Variants in SH3BP2 observed in about 807,000 individuals in gnomAD.
SH3BP2 encodes SH3 domain binding protein 2.
A neutral mutation model predicts 56.2 loss-of-function variants in SH3BP2; 38 were observed. That is an observed-to-expected ratio of 0.68 (90% confidence interval 0.52 to 0.89). The LOEUF is 0.89. Among genes scored for constraint, SH3BP2 ranks in the 40% least tolerant of loss-of-function variants. The probability of loss-of-function intolerance (pLI) is 0.00; values close to 1 mark genes in which losing one functional copy is unlikely to be tolerated. For synonymous variants in SH3BP2, 346 were observed against 316.7 expected, an observed-to-expected ratio of 1.09 and a Z score of -0.98; for missense variants, 748 against 762.6, an observed-to-expected ratio of 0.98 and a Z score of 0.23.
At position 2,820,669 on chromosome 4, in the gene SH3BP2, C is replaced by T; in HGVS notation, c.52C>T (p.Gln18Ter). The T allele has an allele frequency of 1.2e-6, 2 of 1,614,176 alleles. No individual in the cohort carries two copies. Among genetic ancestry groups the T allele is most frequent in the Non-Finnish European group, 1.7e-6 (2 of 1,180,008 alleles). Residue 18 changes from glutamine (Q) to a stop codon, truncating the protein, a stop_gained, in exon 2 of 13, where the codon CAG becomes TAG. Coordinates refer to ENST00000503393, the MANE Select transcript of SH3BP2 (RefSeq NM_001122681.2). LOFTEE classifies it high-confidence loss of function. ...WPVPMKAIGAQNLLTMPGGVA... is the reference protein window; with the variant it reads ...WPVPMKAIGA ...TGTCCCTATGAAGGCCATTGGTGCC[C>T]AGAACCTGCTAACCATGCCTGGGGG...
intron 12 of SH3BP2, 51 bp from the exon 13 acceptor site, chr4:2,833,646 G>A (rs1056405737): frequency 1.0e-5 from 16 of 1,582,480 alleles, no homozygotes; most frequent in Non-Finnish European, 1.1e-5. Context: ...GAGGCCTAGA[G>A]CCGCAGAGTG....
In SH3BP2 at chr4:2,840,701, C is replaced by G. The variant is rs1362956829; in HGVS notation, c.*6867C>G. ...CTTTGTATTTTCATGTAAGGTTTTT[C>G]TCCCATATAAGTTTTAAAATCAGCT... On this transcript the variant is annotated 3_prime_UTR_variant, in exon 13 of 13. Coordinates refer to ENST00000503393, the MANE Select transcript of SH3BP2 (RefSeq NM_001122681.2). 1 of 152,090 alleles carries G rather than the reference C, an allele frequency of 6.6e-6. No homozygotes were observed. Among genetic ancestry groups the G allele is most frequent in the Non-Finnish European group, 1.5e-5 (1 of 68,016 alleles). 9.4% of individuals were successfully genotyped at this position (152,090 alleles called of 1,614,324 possible).
At position 2,831,619 on chromosome 4, in the gene SH3BP2, G is replaced by C. The variant is rs1261254681; in HGVS notation, c.1290G>C (p.Lys430Asn). The change falls in exon 9 of 13, where the codon AAG (lysine) becomes AAC (asparagine). Residue 430 changes from lysine (K) to asparagine (N), a missense_variant. Lys to Asn is a moderately conservative substitution (Grantham distance 94, BLOSUM62 0). Around this residue, in one of 3 missense-constraint regions of SH3BP2, gnomAD observed 635 missense variants for 615.0 expected, o/e 1.03. Coordinates refer to ENST00000503393, the MANE Select transcript of SH3BP2 (RefSeq NM_001122681.2). The surrounding 1 kb of genome is among the most constrained non-coding windows in gnomAD (Gnocchi z 4.1). ...GQSFRSFSFEKPRQPSQADTG... is the reference protein window; with the variant it reads ...GQSFRSFSFENPRQPSQADTG... Reference sequence around the variant, plus strand: ...GTTTCAGGAGCTTCTCCTTTGAAAAGCCCCGGCAACCCTCACAGGCTGACA... The same window carrying C: ...GTTTCAGGAGCTTCTCCTTTGAAAACCCCCGGCAACCCTCACAGGCTGACA... The C allele has an allele frequency of 1.2e-6, 2 of 1,605,358 alleles. No individual in the cohort carries two copies. The highest frequency in any genetic ancestry group is 1.7e-6 in the Non-Finnish European group (2 of 1,175,648).
At position 2,833,808 on chromosome 4, in the gene SH3BP2, C is replaced by G. The variant is rs567040746; in HGVS notation, c.1660C>G (p.Pro554Ala). Residue 554 changes from proline (P) to alanine (A), a missense_variant, in exon 13 of 13, where the codon CCC (proline) becomes GCC (alanine). This residue lies in a region of SH3BP2 where 635 missense variants were observed against 615.0 expected (regional missense o/e 1.03). Coordinates refer to ENST00000503393, the MANE Select transcript of SH3BP2 (RefSeq NM_001122681.2). The stretch of plus-strand genomic sequence containing the variant: ...CCACCAGAGCCTGCTGCTGCGGCAC[C>G]CCTACGGCTACACTGGGCCTAGGTG... The part of the protein sequence containing the change: ...PSHQSLLLRH[P>A]YGYTGPR The G allele has an allele frequency of 3.8e-6, 6 of 1,585,504 alleles. 2 individuals carry two copies. In the Admixed American group the frequency reaches 1.1e-4, roughly 28 times the overall value.
At position 2,833,958 on chromosome 4, in the gene SH3BP2, G is replaced by A; in HGVS notation, c.*124G>A. On this transcript the variant is annotated 3_prime_UTR_variant, in exon 13 of 13. Coordinates refer to ENST00000503393, the MANE Select transcript of SH3BP2 (RefSeq NM_001122681.2). Reference sequence around the variant, plus strand: ...AAGGCTGTGCTTGCCTAGGGCCTCTGTGATGGACATCTCGTAGGACCCAGC... The same window carrying A: ...AAGGCTGTGCTTGCCTAGGGCCTCTATGATGGACATCTCGTAGGACCCAGC... 8.5e-7 allele frequency: 1 copy of A among 1,175,468 alleles called. No individual in the cohort carries two copies. Among genetic ancestry groups the A allele is most frequent in the Non-Finnish European group, 1.2e-6 (1 of 851,708 alleles). The allele number at this position is 1,175,468 out of a possible 1,614,324, so 72.8% of individuals were successfully genotyped here.
At chr4:2,812,544 A>G (rs1244508617) in intron 1 of SH3BP2, 2 of 1,510,184 alleles carry the variant, frequency 1.3e-6, no homozygotes, top group Non-Finnish European at 1.8e-6. Context: ...AAGAACCAGT[A>G]AGGGGGCCCC....
In SH3BP2 at chr4:2,810,895, C is replaced by G. The variant is rs1347566229; in HGVS notation, c.-4-9719C>G. ...AGGAGGAAAGAGAATGGGAAGAGGCCCCACTCTGTCCGTGCCCTCCTCGCT... is the reference window on the plus strand; with the variant it reads ...AGGAGGAAAGAGAATGGGAAGAGGCGCCACTCTGTCCGTGCCCTCCTCGCT... On this transcript the variant is annotated intron_variant, in intron 1 of 12. Transcript: ENST00000503393. The surrounding 1 kb of genome is among the most constrained non-coding windows in gnomAD (Gnocchi z 4.2). 6.6e-6 allele frequency among the ~76,000 whole-genome samples: 1 copy of G among 152,210 alleles called. No individual in the cohort carries two copies. Among genetic ancestry groups the G allele is most frequent in the Non-Finnish European group, 1.5e-5 (1 of 68,028 alleles).
chr4:2,819,500 T>G (rs1724186403), intron 1 of SH3BP2, among the ~76,000 whole-genome samples: 1 of 152,216 alleles, frequency 6.6e-6, no homozygotes, highest in African/African-American at 2.4e-5. Context: ...CCAGCCCCAC[T>G]GGGCATCTGG....
chr4:2,820,579 G>C, intron 1 of SH3BP2, 35 bp from the exon 2 acceptor site: 1 of 1,613,912 alleles, frequency 6.2e-7, no homozygotes, highest in Non-Finnish European at 8.5e-7. Flanking sequence ...CTGCCTGACC[G>C]TAGCTGAGCC....
Position 2,839,189 on chromosome 4 carries a change from T to G in SH3BP2, c.*5355T>G, listed in dbSNP as rs1725335230. On this transcript the variant is annotated 3_prime_UTR_variant, in exon 13 of 13. Coordinates refer to ENST00000503393, the MANE Select transcript of SH3BP2 (RefSeq NM_001122681.2). ...TTTTTCTTTTCTTTTTTTTTTTTTC[T>G]GAGACAGGGTCTCACTCTGTTGCCC... 1 of 151,408 alleles carries G rather than the reference T, an allele frequency of 6.6e-6. No individual in the cohort carries two copies. Among genetic ancestry groups the G allele is most frequent in the African/African-American group, 2.4e-5 (1 of 41,274 alleles). The allele number at this position is 151,408 out of a possible 1,614,324, so 9.4% of individuals were successfully genotyped here. A position where few individuals can be genotyped will look rare whatever the true frequency, so the allele number is the denominator to read the frequency against.
At chr4:2,803,491 G>A (rs966725723) in intron 1 of SH3BP2, among the ~76,000 whole-genome samples, 13 of 152,216 alleles carry the variant, frequency 8.5e-5, no homozygotes, top group Non-Finnish European at 1.5e-4. Flanking sequence ...GCTAATAAGC[G>A]TGGAGGGGGA....
Position 2,829,611 on chromosome 4 carries a change from GCCACC to G in SH3BP2, c.708_712del (p.Pro237AlafsTer3). The G allele has an allele frequency of 1.2e-6, 2 of 1,610,898 alleles. No homozygotes were observed. Among genetic ancestry groups the G allele is most frequent in the Non-Finnish European group, 1.7e-6 (2 of 1,178,938 alleles). On this transcript the variant is annotated frameshift_variant, in exon 8 of 13. Transcript: ENST00000503393. LOFTEE classifies it high-confidence loss of function. This position sits in a 1 kb window ranked among gnomAD's most constrained non-coding sequence, Gnocchi z 4.9. The stretch of plus-strand genomic sequence containing the variant: ...CCTCCAAGGGCCCCGGTCCCCTACT[GCCACC>G]CCCGCCCCCTAAGCACGGCCTCCCA...
intron 1 of SH3BP2, chr4:2,818,869 T>C: frequency 1.0e-6 from 1 of 985,744 alleles, no homozygotes. Flanking sequence ...CTTGAAGACT[T>C]CCTCTTGCAC....
rs562748625 is a variant in SH3BP2, at chr4:2,811,767, C to T, written c.-4-8847C>T. ...AGAGCCCAGGCCTAGTCCCTCAGTC[C>T]CTTGGTGTCAAAGGGCACAGAGATG... On this transcript the variant is annotated intron_variant, in intron 1 of 12. Transcript: ENST00000503393. The T allele has an allele frequency of 1.1e-4, 17 of 160,306 alleles. No homozygotes were observed. The East Asian group carries it at 2.7e-3, about 26-fold the overall frequency. 9.9% of individuals were successfully genotyped at this position (160,306 alleles called of 1,614,324 possible).
At position 2,822,508 on chromosome 4, in the gene SH3BP2, C is replaced by T. The variant is rs182503131; in HGVS notation, c.137-427C>T. Reference sequence around the variant, plus strand: ...CTTCAGCCTCCTGAGTAGCTGGGATCGCAGGCGTGAGCCACTGCACCCGGC... The same window carrying T: ...CTTCAGCCTCCTGAGTAGCTGGGATTGCAGGCGTGAGCCACTGCACCCGGC... On this transcript the variant is annotated intron_variant, in intron 2 of 12. Transcript: ENST00000503393. Among the ~76,000 whole-genome samples, 10 of 152,270 alleles carry T rather than the reference C, an allele frequency of 6.6e-5. No homozygotes were observed. In the East Asian group the frequency reaches 1.4e-3, roughly 21 times the overall value.
chr4:2,801,209 C>T (rs1251811996), intron 1 of SH3BP2, among the ~76,000 whole-genome samples: 3 of 151,580 alleles, frequency 2.0e-5, no homozygotes, highest in Non-Finnish European at 2.9e-5. Flanking sequence ...ACCGCCAGAC[C>T]CTTGTCCTCA....
chr4:2,809,862 C>A (rs1341931242), intron 1 of SH3BP2: 6 of 979,436 alleles, frequency 6.1e-6, no homozygotes, highest in African/African-American at 3.5e-5. Context: ...GGTGGGAAGT[C>A]CCCAAGCCTG....
At chr4:2,801,141 T>C (rs2108699486) in intron 1 of SH3BP2, among the ~76,000 whole-genome samples, 1 of 152,216 alleles carries the variant, frequency 6.6e-6, no homozygotes, top group East Asian at 1.9e-4. Context: ...ACTGCAGGGG[T>C]GCAGAGAGGC....
chr4:2,818,278 C>CGGGACGAGGCGGCGGCGGCCGG, intron 1 of SH3BP2: 1 of 1,025,264 alleles, frequency 9.8e-7, no homozygotes. Context: ...GGCGGGCGCC[C>CGGGACGAGGCGGCGGCGGCCGG]GGGACGAGGC....
Sources: allele counts gnomAD v4.1 joint callset (sites outside exome capture counted in the v4.1 genomes callset), GRCh38; gene constraint gnomAD v4.1.1; regional missense constraint gnomAD v4.1.1; non-coding constraint Gnocchi (gnomAD v3.1); transcripts MANE v1.5; gene names NCBI Gene and HGNC (gene_info 2026-07-23, HGNC 2026-07-21).